Variants in SNRNP40 observed in about 807,000 individuals in gnomAD.
SNRNP40 encodes U5 small nuclear ribonucleoprotein 40 kDa protein.
SNRNP40 carries 21 observed loss-of-function variants against 45.8 expected under a neutral mutation model. That is an observed-to-expected ratio of 0.46 (90% confidence interval 0.32 to 0.66). SNRNP40 has a LOEUF of 0.66. Ranked by LOEUF, SNRNP40 falls within the 30% of genes least tolerant of loss-of-function variation. The pLI, the probability that SNRNP40 is intolerant of heterozygous loss-of-function variation, is 0.03. For missense variants in SNRNP40, 344 were observed against 439.1 expected (o/e 0.78, Z 1.94); for synonymous variants, 142 against 163.8 (o/e 0.87, Z 1.01).
chr1:31,288,166 GA>G (rs112153143), intron 4 of SNRNP40, among the ~76,000 whole-genome samples: 29,724 of 120,350 alleles, frequency 0.25, 3,102 homozygotes, highest in African/African-American at 0.32. Context: ...CTGTCTCAAA[GA>G]AAAAAAAAAA....
chr1:31,281,347 GA>G (rs770223479), intron 5 of SNRNP40, 26 bp downstream of exon 5: 5 of 1,542,790 alleles, frequency 3.2e-6, no homozygotes, highest in South Asian at 1.2e-5. Flanking sequence ...AGATGAAATG[GA>G]AATATATCAT....
At chr1:31,273,350 C>CA (rs879326947) in intron 5 of SNRNP40, among the ~76,000 whole-genome samples, 79 of 151,766 alleles carry the variant, frequency 5.2e-4, no homozygotes, top group African/African-American at 1.5e-3. Flanking sequence ...GGATTTGCCA[C>CA]AAAAAAAATC....
chr1:31,280,092 C>T (rs1278921585), intron 5 of SNRNP40, among the ~76,000 whole-genome samples: 1 of 111,974 alleles, frequency 8.9e-6, no homozygotes, highest in Non-Finnish European at 1.7e-5. Flanking sequence ...CCAGCCTGGG[C>T]TACAGAGGAA....
In SNRNP40 at chr1:31,259,971, T is replaced by C. The variant is rs756630474; in HGVS notation, c.*101A>G. On this transcript the variant is annotated 3_prime_UTR_variant, in exon 10 of 10. Coordinates refer to ENST00000263694, the MANE Select transcript of SNRNP40 (RefSeq NM_004814.3). The stretch of plus-strand genomic sequence containing the variant: ...TCCTGTTTCTTGCTAGCAATGGTCA[T>C]CTGAAGGGAGGGTGCTAGCCTGGAC... The C allele has an allele frequency of 1.1e-6, 1 of 870,492 alleles. No individual in the cohort carries two copies. The highest frequency in any genetic ancestry group is 2.0e-6 in the Non-Finnish European group (1 of 507,742). The allele number at this position is 870,492 out of a possible 1,614,324, so 53.9% of individuals were successfully genotyped here.
chr1:31,269,001 T>A (rs1473167393), intron 7 of SNRNP40, among the ~76,000 whole-genome samples, 157 bp downstream of exon 7: 1 of 152,246 alleles, frequency 6.6e-6, no homozygotes, highest in Non-Finnish European at 1.5e-5. Flanking sequence ...CTATTATTTC[T>A]ATCCGTTTTA....
At chr1:31,287,094 T>C (rs1646065032) in intron 4 of SNRNP40, among the ~76,000 whole-genome samples, 1 of 152,352 alleles carries the variant, frequency 6.6e-6, no homozygotes, top group Non-Finnish European at 1.5e-5. Flanking sequence ...TGTTAAGAAC[T>C]CTGACATGTA....
At chr1:31,290,871 C>T (rs922898280) in intron 3 of SNRNP40, among the ~76,000 whole-genome samples, 4 of 150,364 alleles carry the variant, frequency 2.7e-5, no homozygotes, top group Non-Finnish European at 5.9e-5. Context: ...GAGCAAGACT[C>T]CGTCTCAAAA....
chr1:31,283,377 T>C (rs763861373), intron 4 of SNRNP40, among the ~76,000 whole-genome samples: 12 of 152,104 alleles, frequency 7.9e-5, no homozygotes, highest in Non-Finnish European at 1.6e-4. Flanking sequence ...CCGAGGTGGA[T>C]GGATCACTTG....
chr1:31,263,581 C>T, intron 8 of SNRNP40: 1 of 457,148 alleles, frequency 2.2e-6, no homozygotes, highest in Non-Finnish European at 4.3e-6. Context: ...TGAAGTAAAA[C>T]TTGAAGGGCA....
At chr1:31,289,196 A>G in intron 4 of SNRNP40, 58 bp downstream of exon 4, 2 of 1,525,698 alleles carry the variant, frequency 1.3e-6, no homozygotes, top group Non-Finnish European at 8.9e-7. Context: ...GTGGCAAGGC[A>G]AGATAAGGTT....
intron 6 of SNRNP40, among the ~76,000 whole-genome samples, chr1:31,270,688 T>G (rs1272109781): frequency 6.6e-6 from 1 of 152,142 alleles, no homozygotes; most frequent in Non-Finnish European, 1.5e-5. Flanking sequence ...AAATATTTAT[T>G]AAGTACCCAA....
chr1:31,262,809 G>A (rs1038866687), intron 8 of SNRNP40, among the ~76,000 whole-genome samples: 1 of 151,918 alleles, frequency 6.6e-6, no homozygotes, highest in Non-Finnish European at 1.5e-5. Flanking sequence ...AGGAGCTTGA[G>A]ACCAGCTTGG....
chr1:31,268,678 G>C (rs1645916198), intron 7 of SNRNP40, among the ~76,000 whole-genome samples: 1 of 152,126 alleles, frequency 6.6e-6, no homozygotes, highest in Admixed American at 6.5e-5. Context: ...CAATAGAGCT[G>C]ACCTTGAAAT....
At chr1:31,283,717 A>T (rs1182850205) in intron 4 of SNRNP40, among the ~76,000 whole-genome samples, 1 of 152,244 alleles carries the variant, frequency 6.6e-6, no homozygotes, top group Non-Finnish European at 1.5e-5. Flanking sequence ...ACGCTATAAT[A>T]TTTAAATGCC....
Position 31,261,020 on chromosome 1 carries a change from G to A in SNRNP40, c.1024+509C>T, listed in dbSNP as rs556558093. 6.7e-5 allele frequency: 86 copies of A among 1,283,226 alleles called. No individual in the cohort carries two copies. In the East Asian group the frequency reaches 4.5e-3, roughly 67 times the overall value. 79.5% of individuals were successfully genotyped at this position (1,283,226 alleles called of 1,614,324 possible). ...CTTACTCTCACCACTTATGAGCAAT[G>A]GTGAGACTGACATTGATACCCACAT... On this transcript the variant is annotated intron_variant, in intron 9 of 9. Transcript: ENST00000263694.
At position 31,269,272 on chromosome 1, in the gene SNRNP40, C is replaced by G. The variant is rs774465106; in HGVS notation, c.776-32G>C. On this transcript the variant is annotated intron_variant, in intron 6 of 9. Coordinates refer to ENST00000263694, the MANE Select transcript of SNRNP40 (RefSeq NM_004814.3). ...AACAAATCCAAATAAACAAACCAACCAAAACAACTATCGGCCAGAGGCCTC... is the reference window on the plus strand; with the variant it reads ...AACAAATCCAAATAAACAAACCAACGAAAACAACTATCGGCCAGAGGCCTC... 4.3e-6 allele frequency: 7 copies of G among 1,611,388 alleles called. No homozygotes were observed. In the African/African-American group the frequency reaches 9.4e-5, roughly 22 times the overall value.
chr1:31,275,610 G>C (rs1049143473), intron 5 of SNRNP40, among the ~76,000 whole-genome samples: 1 of 152,100 alleles, frequency 6.6e-6, no homozygotes, highest in African/African-American at 2.4e-5. Context: ...GGCTGGTCTG[G>C]AACTCCCGGC....
At chr1:31,290,735 G>C (rs1329501459) in intron 3 of SNRNP40, among the ~76,000 whole-genome samples, 1 of 151,880 alleles carries the variant, frequency 6.6e-6, no homozygotes, top group Non-Finnish European at 1.5e-5. Flanking sequence ...AAAATTAGCC[G>C]GGCATGGTGG....
intron 5 of SNRNP40, among the ~76,000 whole-genome samples, chr1:31,274,931 C>T (rs1645964729): frequency 6.6e-6 from 1 of 152,096 alleles, no homozygotes; most frequent in South Asian, 2.1e-4. Context: ...GGCAGTGCTA[C>T]CTAAGATAGA....
Sources: allele counts gnomAD v4.1 joint callset (sites outside exome capture counted in the v4.1 genomes callset), GRCh38; gene constraint gnomAD v4.1.1; transcripts MANE v1.5; gene names NCBI Gene and HGNC (gene_info 2026-07-23, HGNC 2026-07-21).